ABI3BP: variants seen among roughly 807,000 people sequenced by gnomAD.
The protein encoded by ABI3BP is ABI family member 3 binding protein.
Under a neutral mutation model 268.6 loss-of-function variants are expected in ABI3BP, and 216 were observed. The observed-to-expected ratio is 0.80, with a 90% CI of 0.72 to 0.90. ABI3BP has a LOEUF of 0.90. ABI3BP is among the 40% of genes least tolerant of loss of function. The pLI is 0.00. For missense variants in ABI3BP, 2,090 were observed against 2,182.4 expected (o/e 0.96, Z 0.84); for synonymous variants, 730 against 730.0 (o/e 1.00, Z 0.00).
chr3:100,867,352 A>G (rs1166654389), intron 9 of ABI3BP, among the ~76,000 whole-genome samples: 1 of 152,072 alleles, frequency 6.6e-6, no homozygotes, highest in Non-Finnish European at 1.5e-5. Context: ...AACCTATAGA[A>G]AATTTCCGGC....
At chr3:100,885,770 A>G (rs569223400) in intron 5 of ABI3BP, among the ~76,000 whole-genome samples, 182 bp from the exon 6 acceptor site, 1 of 152,052 alleles carries the variant, frequency 6.6e-6, no homozygotes, top group South Asian at 2.1e-4. Context: ...AAGAAAGCTC[A>G]AGGTTCCCGA....
chr3:100,822,470 A>C, intron 38 of ABI3BP, 119 bp downstream of exon 38: 1 of 799,100 alleles, frequency 1.3e-6, no homozygotes, highest in East Asian at 2.7e-5. Flanking sequence ...GCTGCTAACC[A>C]TGAGTTGTAG....
At chr3:100,957,030 G>A (rs559069151) in intron 1 of ABI3BP, among the ~76,000 whole-genome samples, 1 of 152,282 alleles carries the variant, frequency 6.6e-6, no homozygotes, top group Middle Eastern at 3.4e-3. Flanking sequence ...TTTGAGCAGA[G>A]AAATGATTAA....
chr3:100,819,131 T>C (rs2098133606), intron 40 of ABI3BP, among the ~76,000 whole-genome samples: 1 of 152,200 alleles, frequency 6.6e-6, no homozygotes, highest in Admixed American at 6.5e-5. Flanking sequence ...AGATGGGTGA[T>C]GCTTCTTGGG....
intron 3 of ABI3BP, among the ~76,000 whole-genome samples, chr3:100,899,173 A>G (rs1374454863): frequency 1.3e-5 from 2 of 152,252 alleles, no homozygotes; most frequent in Non-Finnish European, 2.9e-5. Flanking sequence ...AACAATATCC[A>G]GCTATACCTA....
intron 1 of ABI3BP, among the ~76,000 whole-genome samples, chr3:100,940,030 G>T (rs1039845265): frequency 6.6e-6 from 1 of 152,032 alleles, no homozygotes; most frequent in East Asian, 1.9e-4. Context: ...GCTCACCGGT[G>T]GTCAGAGTTT....
chr3:100,787,701 A>T (rs768902309), intron 57 of ABI3BP, 27 bp downstream of exon 57: 1 of 1,485,894 alleles, frequency 6.7e-7, no homozygotes, highest in African/African-American at 1.4e-5. Flanking sequence ...TGACAGGATA[A>T]AAAGGAAATA....
chr3:100,823,435 C>T lies in ABI3BP; in HGVS notation c.2803+23G>A, dbSNP rs529445524. The T allele has an allele frequency of 1.1e-3, 1,671 of 1,517,892 alleles. 3 individuals carry two copies. Among genetic ancestry groups the T allele is most frequent in the South Asian group, 1.8e-3 (146 of 80,584 alleles). The allele number at this position is 1,517,892 out of a possible 1,614,324, so 94.0% of individuals were successfully genotyped here. A position where few individuals can be genotyped will look rare whatever the true frequency, so the allele number is the denominator to read the frequency against. The stretch of plus-strand genomic sequence containing the variant: ...TTGACAATAAGCAAAAGAAGCTTGT[C>T]GAAAACACTGTATCAACGTTACCTA... On this transcript the variant is annotated intron_variant, in intron 37 of 67. Transcript: ENST00000471714.
In ABI3BP at chr3:100,840,801, C is replaced by G; in HGVS notation, c.1804+19G>C. The G allele has an allele frequency of 6.5e-7, 1 of 1,528,018 alleles. No individual in the cohort carries two copies. Among genetic ancestry groups the G allele is most frequent in the Non-Finnish European group, 8.8e-7 (1 of 1,141,432 alleles). 94.7% of individuals were successfully genotyped at this position (1,528,018 alleles called of 1,614,324 possible). On this transcript the variant is annotated intron_variant, in intron 22 of 67. Transcript: ENST00000471714. ...CAGGAAAAGAAGAAACAAAGGTCAC[C>G]CACTCAATACTCTATTACCTAATGT...
rs918352469 is a variant in ABI3BP at position 100,863,988 on chromosome 3, T to A, written c.1138+14A>T. On this transcript the variant is annotated intron_variant, in intron 12 of 67. Transcript: ENST00000471714. Reference sequence around the variant, plus strand: ...CAAGGTAATAATAAAGCTGCAGTATTTATTATTTTTTACCTAGAGTGCTCA... The same window carrying A: ...CAAGGTAATAATAAAGCTGCAGTATATATTATTTTTTACCTAGAGTGCTCA... 28 of 1,495,766 alleles carry A rather than the reference T, an allele frequency of 1.9e-5. No homozygotes were observed. The highest frequency in any genetic ancestry group is 5.9e-5 in the Admixed American group (3 of 50,938). The allele number at this position is 1,495,766 out of a possible 1,614,324, so 92.7% of individuals were successfully genotyped here.
At chr3:100,901,932 A>G (rs2050623456) in intron 3 of ABI3BP, among the ~76,000 whole-genome samples, 1 of 152,134 alleles carries the variant, frequency 6.6e-6, no homozygotes, top group Non-Finnish European at 1.5e-5. Context: ...ATTAGACGAC[A>G]TAGAATTTTA....
chr3:100,830,106 C>CAT (rs1472426726), intron 32 of ABI3BP, among the ~76,000 whole-genome samples: 44 of 76,944 alleles, frequency 5.7e-4, no homozygotes, highest in East Asian at 1.4e-3. Context: ...TACATACATA[C>CAT]ATACATATAT....
intron 63 of ABI3BP, among the ~76,000 whole-genome samples, chr3:100,758,232 CTT>C (rs1348164785): frequency 2.6e-5 from 4 of 152,184 alleles, no homozygotes; most frequent in East Asian, 1.9e-4. Flanking sequence ...TTTAAGGTAA[CTT>C]AACCTCTCTG....
Position 100,847,608 on chromosome 3 carries a change from T to A in ABI3BP, c.1642A>T (p.Thr548Ser). Residue 548 changes from threonine to serine, a missense_variant, in exon 19 of 68, where the codon ACA becomes TCA. By Grantham distance (58) the Thr-to-Ser change is moderately conservative. Coordinates refer to ENST00000471714, the MANE Select transcript of ABI3BP (RefSeq NM_001375547.2). Reference sequence around the variant, plus strand: ...AAGGACATATCATTATTACCCGGTGTTGTCCATGTAGGTTCAGGGCTTTTA... The same window carrying A: ...AAGGACATATCATTATTACCCGGTGATGTCCATGTAGGTTCAGGGCTTTTA... The part of the protein sequence containing the change: ...ISKSPEPTWT[T>S]PAPGKTQFIS... The A allele has an allele frequency of 1.2e-6, 2 of 1,611,258 alleles. No homozygotes were observed. The highest frequency in any genetic ancestry group is 1.7e-6 in the Non-Finnish European group (2 of 1,177,412).
At chr3:100,988,516 GC>G (rs756367211) in intron 1 of ABI3BP, among the ~76,000 whole-genome samples, 2 of 152,224 alleles carry the variant, frequency 1.3e-5, no homozygotes, top group South Asian at 2.1e-4. Context: ...TCACCTCTCA[GC>G]AATCCTTCTC....
intron 1 of ABI3BP, among the ~76,000 whole-genome samples, chr3:100,946,298 G>C (rs546818601): frequency 6.6e-6 from 1 of 151,120 alleles, no homozygotes; most frequent in African/African-American, 2.4e-5. Flanking sequence ...TTGAACCTGG[G>C]AGGCAGAGGC....
At chr3:100,770,345 T>C (rs1248501803) in intron 62 of ABI3BP, among the ~76,000 whole-genome samples, 1 of 152,184 alleles carries the variant, frequency 6.6e-6, no homozygotes, top group Admixed American at 6.5e-5. Flanking sequence ...CCTAAGACAG[T>C]TGAAGTAACC....
intron 1 of ABI3BP, among the ~76,000 whole-genome samples, chr3:100,961,691 G>T (rs769075843): frequency 2.0e-5 from 3 of 152,006 alleles, no homozygotes; most frequent in African/African-American, 7.3e-5. Flanking sequence ...TATGTAAGTC[G>T]GCCATAAAAT....
intron 32 of ABI3BP, among the ~76,000 whole-genome samples, chr3:100,830,153 ATATATATATAT>A (rs2098466252): frequency 8.5e-5 from 7 of 82,558 alleles, no homozygotes; most frequent in East Asian, 2.7e-4. Flanking sequence ...ATATATATAT[ATATATATATAT>A]AAAATGCAGA....
Sources: gnomAD v4.1 joint callset for allele counts (sites outside exome capture counted in the v4.1 genomes callset) on GRCh38, gnomAD v4.1.1 for gene constraint, MANE v1.5 for transcripts, NCBI Gene and HGNC (gene_info 2026-07-23, HGNC 2026-07-21) for gene names.